Variants in DNMT3A observed in about 807,000 individuals in gnomAD.
The protein encoded by DNMT3A is DNA (cytosine-5)-methyltransferase 3A.
Under a neutral mutation model 117.6 loss-of-function variants are expected in DNMT3A, and 267 were observed. The ratio of observed to expected loss-of-function variants is 2.27; its 90% CI spans 2.05 to 2.51. DNMT3A has a LOEUF of 2.51. Among genes scored for constraint, DNMT3A ranks in the 30% most tolerant of loss-of-function variants. DNMT3A has a pLI of 0.00. For synonymous variants in DNMT3A, 432 were observed against 474.8 expected (o/e 0.91, Z 1.17); for missense variants, 1,029 against 1,260.2 (o/e 0.82, Z 2.78).
At position 25,252,464 on chromosome 2, in the gene DNMT3A, C is replaced by T. The variant is rs964641685; in HGVS notation, c.640-4212G>A. Reference sequence around the variant, plus strand: ...CGGCGCTCCGACGCTGGCGCTGGGCCAGCCCCTCTTCTCCGGTCCGAGGGG... The same window carrying T: ...CGGCGCTCCGACGCTGGCGCTGGGCTAGCCCCTCTTCTCCGGTCCGAGGGG... On this transcript the variant is annotated intron_variant, in intron 6 of 22. Transcript: ENST00000321117. The surrounding 1 kb of genome is among the most constrained non-coding windows in gnomAD (Gnocchi z 5.5). 6.5e-6 allele frequency: 1 copy of T among 153,238 alleles called. No individual in the cohort carries two copies. The highest frequency in any genetic ancestry group is 1.9e-4 in the East Asian group (1 of 5,150). The allele number at this position is 153,238 out of a possible 1,614,324, so 9.5% of individuals were successfully genotyped here.
intron 6 of DNMT3A, among the ~76,000 whole-genome samples, chr2:25,263,053 G>C (rs1421152762): frequency 6.6e-6 from 1 of 152,102 alleles, no homozygotes; most frequent in African/African-American, 2.4e-5. Context: ...CTCGACCTCA[G>C]CCTCCTGAGT....
chr2:25,310,345 G>A (rs1223999645), intron 2 of DNMT3A, among the ~76,000 whole-genome samples: 3 of 130,466 alleles, frequency 2.3e-5, no homozygotes, highest in Non-Finnish European at 4.9e-5. Flanking sequence ...CACCCTCCAT[G>A]AGGCCAGCCC....
chr2:25,277,128 G>C (rs889110253), intron 4 of DNMT3A, among the ~76,000 whole-genome samples: 1 of 152,174 alleles, frequency 6.6e-6, no homozygotes, highest in Non-Finnish European at 1.5e-5. Context: ...CGTGGGCGGG[G>C]ACGGGGCGTC....
At position 25,229,502 on chromosome 2, in the gene DNMT3A, T is replaced by C. The variant is rs1450958909; in HGVS notation, c.*4777A>G. On this transcript the variant is annotated 3_prime_UTR_variant, in exon 23 of 23. Coordinates refer to ENST00000321117, the MANE Select transcript of DNMT3A (RefSeq NM_022552.5). ...CACTGAGAGCAGGCAGCGTGGAGAATACGCAATGACAAACTCAGATTACTC... is the reference window on the plus strand; with the variant it reads ...CACTGAGAGCAGGCAGCGTGGAGAACACGCAATGACAAACTCAGATTACTC... 6.6e-6 allele frequency: 1 copy of C among 152,180 alleles called. No homozygotes were observed. The highest frequency in any genetic ancestry group is 2.4e-5 in the African/African-American group (1 of 41,434). 9.4% of individuals were successfully genotyped at this position (152,180 alleles called of 1,614,324 possible).
chr2:25,285,121 C>G (rs1455631535), intron 3 of DNMT3A, among the ~76,000 whole-genome samples: 1 of 152,122 alleles, frequency 6.6e-6, no homozygotes, highest in African/African-American at 2.4e-5. Flanking sequence ...GTGGTCAGGC[C>G]GGGTGAAAGG....
chr2:25,312,894 C>T (rs556507264), intron 2 of DNMT3A, among the ~76,000 whole-genome samples: 1 of 152,156 alleles, frequency 6.6e-6, no homozygotes, highest in African/African-American at 2.4e-5. Context: ...AAAGAACCAA[C>T]TGGTGCCCCC....
rs1673472592 is a variant in DNMT3A, at chr2:25,237,214, C to T, written c.2409-209G>A. Among the ~76,000 whole-genome samples the T allele has an allele frequency of 6.6e-6, 1 of 152,178 alleles. No individual in the cohort carries two copies. On this transcript the variant is annotated intron_variant, in intron 20 of 22. Coordinates refer to ENST00000321117, the MANE Select transcript of DNMT3A (RefSeq NM_022552.5). The surrounding 1 kb of genome is among the most constrained non-coding windows in gnomAD (Gnocchi z 5.4). ...CAGCCATGCAAAGACACAAATCCAC[C>T]AAGCGTTAATCCTTAAAGGTAAATT...
chr2:25,328,500 T>C (rs912055836), intron 1 of DNMT3A: 9 of 380,776 alleles, frequency 2.4e-5, no homozygotes, highest in Non-Finnish European at 3.5e-5. Context: ...CCAGGGGTCA[T>C]TGAGTGTTCC....
chr2:25,269,478 C>T (rs1047726463), intron 6 of DNMT3A, among the ~76,000 whole-genome samples: 3 of 152,148 alleles, frequency 2.0e-5, no homozygotes, highest in East Asian at 1.9e-4. Context: ...ACAGCAGGAA[C>T]GATGACAGGA....
Position 25,239,059 on chromosome 2 carries a change from C to T in DNMT3A, c.2408+71G>A, listed in dbSNP as rs567199075. 6.0e-5 allele frequency: 85 copies of T among 1,406,760 alleles called. No individual in the cohort carries two copies. The African/African-American group carries it at 1.2e-3, about 19-fold the overall frequency. 87.1% of individuals were successfully genotyped at this position (1,406,760 alleles called of 1,614,324 possible). Reference sequence around the variant, plus strand: ...GGCCAGAGAGGGCCCGGCTCAGGGGCTTCCCCACTATGGGTCATCCCACCT... The same window carrying T: ...GGCCAGAGAGGGCCCGGCTCAGGGGTTTCCCCACTATGGGTCATCCCACCT... On this transcript the variant is annotated intron_variant, in intron 20 of 22. Transcript: ENST00000321117.
chr2:25,243,661 C>A (rs1337055397), intron 16 of DNMT3A, among the ~76,000 whole-genome samples: 1 of 152,238 alleles, frequency 6.6e-6, no homozygotes, highest in Non-Finnish European at 1.5e-5. Flanking sequence ...ATCTTCCTTA[C>A]TAAGGAAGCG....
rs901395842 is a variant in DNMT3A, at chr2:25,239,136, A to C, written c.2402T>G (p.Met801Arg). The change falls in exon 20 of 23, where the codon ATG becomes AGG. Residue 801 changes from methionine to arginine, a missense_variant. By Grantham distance (91) the Met-to-Arg change is moderately conservative. Transcript: ENST00000321117. ...CCCAGGAGCTTTCACCAACCTGTTCATACCGGGAAGGTTACCCCAGAAGTA... is the reference window on the plus strand; with the variant it reads ...CCCAGGAGCTTTCACCAACCTGTTCCTACCGGGAAGGTTACCCCAGAAGTA... ...ARYFWGNLPGMNRPLASTVND... is the reference protein window; with the variant it reads ...ARYFWGNLPGRNRPLASTVND... The C allele has an allele frequency of 6.2e-7, 1 of 1,613,844 alleles. No individual in the cohort carries two copies.
chr2:25,257,858 G>A lies in DNMT3A; in HGVS notation c.640-9606C>T, dbSNP rs1016797203. On this transcript the variant is annotated intron_variant, in intron 6 of 22. Coordinates refer to ENST00000321117, the MANE Select transcript of DNMT3A (RefSeq NM_022552.5). This position sits in a 1 kb window ranked among gnomAD's most constrained non-coding sequence, Gnocchi z 4.8. ...GTGTGGAAACACGGAGACCCTGGCT[G>A]TGTCTGTTACAAATGAGAACACTGA... Among the ~76,000 whole-genome samples, 1 of 152,218 alleles carries A rather than the reference G, an allele frequency of 6.6e-6. No individual in the cohort carries two copies. The highest frequency in any genetic ancestry group is 2.4e-5 in the African/African-American group (1 of 41,456).
intron 1 of DNMT3A, among the ~76,000 whole-genome samples, chr2:25,319,197 G>A (rs2034499494): frequency 6.6e-6 from 1 of 151,380 alleles, no homozygotes; most frequent in Non-Finnish European, 1.5e-5. Context: ...TGTATTTCTA[G>A]TAGAGACGGG....
chr2:25,318,996 G>A (rs2034489958), intron 1 of DNMT3A, among the ~76,000 whole-genome samples: 1 of 147,918 alleles, frequency 6.8e-6, no homozygotes, highest in Non-Finnish European at 1.5e-5. Flanking sequence ...ACCACGCCTG[G>A]CCCTTTTCTT....
intron 2 of DNMT3A, among the ~76,000 whole-genome samples, chr2:25,303,601 G>C (rs1031261245): frequency 3.3e-5 from 5 of 152,256 alleles, no homozygotes; most frequent in African/African-American, 1.2e-4. Flanking sequence ...GGCTGGCCCA[G>C]CATTCAGGCC....
At chr2:25,245,558 C>T (rs979817767) in intron 12 of DNMT3A, among the ~76,000 whole-genome samples, 33 of 152,226 alleles carry the variant, frequency 2.2e-4, no homozygotes, top group African/African-American at 8.0e-4. Context: ...GGAGTGACAG[C>T]AGGACAGAAA....
At chr2:25,239,756 C>T (rs775437851) in intron 19 of DNMT3A, among the ~76,000 whole-genome samples, 14 of 152,196 alleles carry the variant, frequency 9.2e-5, no homozygotes, top group Non-Finnish European at 1.8e-4. Context: ...GACTCAGGAG[C>T]ACAGGTGGGC....
At chr2:25,341,758 GCCCGGCTC>G (rs1000780155) in intron 1 of DNMT3A, 60 bp downstream of exon 1, 35 of 939,502 alleles carry the variant, frequency 3.7e-5, no homozygotes, top group East Asian at 1.3e-4. Context: ...GGCGCCCCCC[GCCCGGCTC>G]CCCGGCTCCC....
Sources: gnomAD v4.1 joint callset for allele counts (sites outside exome capture counted in the v4.1 genomes callset) on GRCh38, gnomAD v4.1.1 for gene constraint, Gnocchi (gnomAD v3.1) non-coding constraint, MANE v1.5 for transcripts, NCBI Gene and HGNC (gene_info 2026-07-23, HGNC 2026-07-21) for gene names.